The following ANO8 variants were observed in gnomAD, a reference collection of about 807,000 sequenced individuals.
The protein encoded by ANO8 is anoctamin 8.
Under a neutral mutation model 120.4 loss-of-function variants are expected in ANO8, and 67 were observed. The ratio of observed to expected loss-of-function variants is 0.56; its 90% CI spans 0.46 to 0.68. ANO8 has a LOEUF of 0.68. ANO8 is among the 30% of genes least tolerant of loss of function. The pLI, the probability that ANO8 is intolerant of heterozygous loss-of-function variation, is 0.00. For synonymous variants in ANO8, 727 were observed against 759.2 expected (o/e 0.96, Z 0.70); for missense variants, 1,526 against 1,737.6 (o/e 0.88, Z 2.16).
chr19:17,331,409 G>T lies in ANO8; in HGVS notation c.589C>A (p.Pro197Thr). Residue 197 changes from proline to threonine, a missense_variant and splice_region_variant, in exon 6 of 18, where the codon CCG (proline) becomes ACG (threonine). This residue lies in a region of ANO8 where 322 missense variants were observed against 431.8 expected (regional missense o/e 0.75). Transcript: ENST00000159087. ...ATGATCCCACGTGCTGCCAGCTCCGGGACTGTGGAGGGAGGAGCACAGGTG... is the reference window on the plus strand; with the variant it reads ...ATGATCCCACGTGCTGCCAGCTCCGTGACTGTGGAGGGAGGAGCACAGGTG... ...VRFLEDQPII[P>T]ELAARGIIQQ... 3.1e-6 allele frequency: 5 copies of T among 1,613,160 alleles called. No individual in the cohort carries two copies. Among genetic ancestry groups the T allele is most frequent in the Non-Finnish European group, 4.2e-6 (5 of 1,179,878 alleles).
chr19:17,328,079 C>T (rs2074285215), intron 13 of ANO8, 83 bp downstream of exon 13: 2 of 1,409,348 alleles, frequency 1.4e-6, no homozygotes, highest in African/African-American at 1.4e-5. Context: ...TCACCACTCC[C>T]ACCCCCACGG....
At position 17,328,192 on chromosome 19, in the gene ANO8, T is replaced by C. The variant is rs1240915559; in HGVS notation, c.2196A>G (p.Ala732=). ...EEEHSPQLTQ[A]ELESCMKKYE... is the part of the protein sequence containing the mutation. ...ACTTCTTCATACAGCTCTCCAGCTC[T>C]GCCTGGGTGAGCTGGGGCGAGTGTT... is the stretch of plus-strand genomic sequence containing the variant. The change falls in exon 13 of 18, where the codon GCA becomes GCG. Residue 732 remains alanine (A), a synonymous_variant. Transcript: ENST00000159087. 2 of 1,572,988 alleles carry C rather than the reference T, an allele frequency of 1.3e-6. No individual in the cohort carries two copies. Among genetic ancestry groups the C allele is most frequent in the Non-Finnish European group, 1.7e-6 (2 of 1,150,128 alleles).
chr19:17,329,394 C>T (rs1194088804), intron 12 of ANO8: 5 of 369,074 alleles, frequency 1.4e-5, no homozygotes, highest in Non-Finnish European at 2.5e-5. Flanking sequence ...CCCACGGGCT[C>T]GCCACCTGCC....
At chr19:17,323,987 A>C in intron 17 of ANO8, 103 bp from the exon 18 acceptor site, 1 of 1,022,174 alleles carries the variant, frequency 9.8e-7, no homozygotes, top group Non-Finnish European at 1.2e-6. Flanking sequence ...CAGGCACATA[A>C]AGGCCTTATT....
In ANO8 at chr19:17,328,594, GTCCTCCTCT is replaced by G. The variant is rs1459284706; in HGVS notation, c.1785_1793del (p.Glu595_Glu597del). 2 of 1,544,276 alleles carry G rather than the reference GTCCTCCTCT, an allele frequency of 1.3e-6. No individual in the cohort carries two copies. Among genetic ancestry groups the G allele is most frequent in the South Asian group, 1.2e-5 (1 of 83,756 alleles). On this transcript the variant is annotated inframe_deletion, in exon 13 of 18. Transcript: ENST00000159087. ...GGCCCCCTTCCTCGCCCTCCTCCTCGTCCTCCTCTTCCTCCTCGTCCTCCTCCTCCTCGT... is the reference window on the plus strand; with the variant it reads ...GGCCCCCTTCCTCGCCCTCCTCCTCGTCCTCCTCGTCCTCCTCCTCCTCGT...
intron 13 of ANO8, 81 bp downstream of exon 13, chr19:17,328,081 C>A: frequency 1.4e-6 from 2 of 1,411,050 alleles, no homozygotes; most frequent in Non-Finnish European, 1.9e-6. Context: ...ACCACTCCCA[C>A]CCCCACGGCC....
In ANO8 at chr19:17,328,363, C is replaced by T. The variant is rs765618746; in HGVS notation, c.2025G>A (p.Pro675=). 7 of 1,574,724 alleles carry T rather than the reference C, an allele frequency of 4.4e-6. No homozygotes were observed. The highest frequency in any genetic ancestry group is 1.1e-5 in the South Asian group (1 of 87,768). Residue 675 remains proline (P), a synonymous_variant, in exon 13 of 18, where the codon CCG becomes CCA. Transcript: ENST00000159087. Reference sequence around the variant, plus strand: ...CCCCGGCCCGGCGGAACAAGATGGCCGGGGGCTCCCGTTCAGGGCTGCCGG... The same window carrying T: ...CCCCGGCCCGGCGGAACAAGATGGCTGGGGGCTCCCGTTCAGGGCTGCCGG... ...GAPGSPEREP[P]AILFRRAGGE... is the part of the protein sequence containing the mutation.
intron 12 of ANO8, 92 bp from the exon 13 acceptor site, chr19:17,329,075 G>T: frequency 2.8e-6 from 3 of 1,062,468 alleles, no homozygotes; most frequent in Admixed American, 3.7e-5. Flanking sequence ...CCCCGCCGGA[G>T]CACCGTGCCC....
chr19:17,324,570 G>A (rs1293852828), intron 17 of ANO8, 147 bp downstream of exon 17: 3 of 1,343,822 alleles, frequency 2.2e-6, no homozygotes, highest in East Asian at 5.0e-5. Context: ...TTAACTGAGA[G>A]GCTCCACGTA....
At chr19:17,327,949 C>A in intron 13 of ANO8, 69 bp from the exon 14 acceptor site, 1 of 1,563,708 alleles carries the variant, frequency 6.4e-7, no homozygotes. Flanking sequence ...TTGAGCCCGC[C>A]TCCCTCAGAT....
intron 16 of ANO8, 86 bp downstream of exon 16, chr19:17,327,149 C>T: frequency 8.4e-7 from 1 of 1,196,984 alleles, no homozygotes; most frequent in East Asian, 2.6e-5. Context: ...TGCATTTGCC[C>T]TTACGCTAAG....
At chr19:17,326,210 CAG>C (rs944320579) in intron 16 of ANO8, among the ~76,000 whole-genome samples, 5 of 152,214 alleles carry the variant, frequency 3.3e-5, no homozygotes, top group Non-Finnish European at 7.3e-5. Flanking sequence ...AGGCAAGAGA[CAG>C]AACCGTGGCT....
Position 17,324,735 on chromosome 19 carries a change from G to GC in ANO8, c.3312dup (p.Pro1105AlafsTer113), listed in dbSNP as rs757805038. On this transcript the variant is annotated frameshift_variant, in exon 17 of 18. Transcript: ENST00000159087. LOFTEE classifies it low-confidence loss of function (END_TRUNC). ...TTGTGACCTGAGCCTTCCTCTTCGG[G>GC]CCGGGGGGCTTCCAGCTCCTCAGCC... 1 of 1,527,574 alleles carries GC rather than the reference G, an allele frequency of 6.5e-7. No homozygotes were observed. The highest frequency in any genetic ancestry group is 1.3e-5 in the South Asian group (1 of 76,506). 94.6% of individuals were successfully genotyped at this position (1,527,574 alleles called of 1,614,324 possible). A position where few individuals can be genotyped will look rare whatever the true frequency, so the allele number is the denominator to read the frequency against.
At chr19:17,326,181 C>T (rs920467866) in intron 16 of ANO8, among the ~76,000 whole-genome samples, 2 of 152,186 alleles carry the variant, frequency 1.3e-5, no homozygotes, top group African/African-American at 4.8e-5. Context: ...CTCAACCGAT[C>T]CCCTGCTTCC....
At position 17,334,631 on chromosome 19, in the gene ANO8, C is replaced by T; in HGVS notation, c.40G>A (p.Glu14Lys). Residue 14 changes from glutamate (E) to lysine (K), a missense_variant, in exon 1 of 18, where the codon GAG becomes AAG. This residue lies in a region of ANO8 where 53 missense variants were observed against 45.0 expected (regional missense o/e 1.18). Coordinates refer to ENST00000159087, the MANE Select transcript of ANO8 (RefSeq NM_020959.3). ...AASGAGGTSLEGERGKRPPPE... is the reference protein window; with the variant it reads ...AASGAGGTSLKGERGKRPPPE... ...GGGGGCCTCTTGCCACGCTCGCCCTCCAGGGACGTGCCCCCGGCGCCGGAG... is the reference window on the plus strand; with the variant it reads ...GGGGGCCTCTTGCCACGCTCGCCCTTCAGGGACGTGCCCCCGGCGCCGGAG... 1 of 1,507,096 alleles carries T rather than the reference C, an allele frequency of 6.6e-7. No homozygotes were observed. The highest frequency in any genetic ancestry group is 8.8e-7 in the Non-Finnish European group (1 of 1,135,752). 93.4% of individuals were successfully genotyped at this position (1,507,096 alleles called of 1,614,324 possible). A position where few individuals can be genotyped will look rare whatever the true frequency, so the allele number is the denominator to read the frequency against.
rs1987892310 is a variant in ANO8, at chr19:17,328,761, GGCCCCCGCCCCCGCTGCCGCC to G, written c.1606_1626del (p.Gly536_Gly542del). On this transcript the variant is annotated inframe_deletion, in exon 13 of 18. Transcript: ENST00000159087. ...CCGCAGCCCCCGCTGAGGCACCTGC[GGCCCCCGCCCCCGCTGCCGCC>G]GCCCCCGCCCTCATCCGCCTGGGGT... 3.8e-6 allele frequency: 5 copies of G among 1,322,696 alleles called. No homozygotes were observed. Among genetic ancestry groups the G allele is most frequent in the Non-Finnish European group, 4.8e-6 (5 of 1,043,124 alleles). The allele number at this position is 1,322,696 out of a possible 1,614,324, so 81.9% of individuals were successfully genotyped here. A position where few individuals can be genotyped will look rare whatever the true frequency, so the allele number is the denominator to read the frequency against.
At chr19:17,334,063 C>T (rs1258212835) in intron 1 of ANO8, among the ~76,000 whole-genome samples, 1 of 152,222 alleles carries the variant, frequency 6.6e-6, no homozygotes, top group Non-Finnish European at 1.5e-5. Flanking sequence ...AAACCACAAT[C>T]GATGGGGCGC....
chr19:17,333,862 C>T lies in ANO8; in HGVS notation c.107-62G>A, dbSNP rs547133376. 41 of 1,403,806 alleles carry T rather than the reference C, an allele frequency of 2.9e-5. No individual in the cohort carries two copies. The East Asian group carries it at 9.5e-4, about 32-fold the overall frequency. The allele number at this position is 1,403,806 out of a possible 1,614,324, so 87.0% of individuals were successfully genotyped here. A position where few individuals can be genotyped will look rare whatever the true frequency, so the allele number is the denominator to read the frequency against. ...CTGGGATCCGGACCCGGCCTCCAGT[C>T]TTGGCTCCTCCTGCCCCCGCCAGGG... On this transcript the variant is annotated intron_variant, in intron 1 of 17. Transcript: ENST00000159087. This position sits in a 1 kb window ranked among gnomAD's most constrained non-coding sequence, Gnocchi z 7.2.
intron 1 of ANO8, among the ~76,000 whole-genome samples, chr19:17,334,273 G>C (rs555093828): frequency 2.9e-4 from 44 of 152,318 alleles, no homozygotes; most frequent in South Asian, 4.1e-4. Context: ...TCGCGGAGAG[G>C]CTCTCTCAAG....
Sources: gnomAD v4.1 joint callset for allele counts (sites outside exome capture counted in the v4.1 genomes callset) on GRCh38, gnomAD v4.1.1 for gene constraint, gnomAD v4.1.1 regional missense constraint, Gnocchi (gnomAD v3.1) non-coding constraint, MANE v1.5 for transcripts, NCBI Gene and HGNC (gene_info 2026-07-23, HGNC 2026-07-21) for gene names.